The following RAB3C variants were observed in gnomAD, a reference collection of about 807,000 sequenced individuals.
The protein encoded by RAB3C is ras-related protein Rab-3C.
In RAB3C, 17 loss-of-function variants were observed where a neutral mutation model predicts 26.4. The ratio of observed to expected loss-of-function variants is 0.64; its 90% confidence interval spans 0.44 to 0.97. RAB3C has a LOEUF of 0.97. Among genes scored for constraint, RAB3C ranks in the 50% least tolerant of loss-of-function variants. RAB3C has a pLI of 0.00. For missense variants in RAB3C, 242 were observed against 281.9 expected (o/e 0.86, Z 1.01); for synonymous variants, 91 against 95.9 (o/e 0.95, Z 0.30).
At chr5:58,806,023 A>T (rs1742932899) in intron 3 of RAB3C, among the ~76,000 whole-genome samples, 2 of 152,198 alleles carry the variant, frequency 1.3e-5, no homozygotes, top group Admixed American at 1.3e-4. Flanking sequence ...TGTAGCCAAG[A>T]GAAATTTTGT....
intron 3 of RAB3C, among the ~76,000 whole-genome samples, chr5:58,744,329 G>A (rs1322473833): frequency 2.0e-5 from 3 of 152,234 alleles, no homozygotes; most frequent in Non-Finnish European, 4.4e-5. Context: ...CCTCTGCAAA[G>A]GTTCCTGGGA....
At chr5:58,843,515 T>C (rs1743920170) in intron 4 of RAB3C, among the ~76,000 whole-genome samples, 1 of 152,212 alleles carries the variant, frequency 6.6e-6, no homozygotes, top group African/African-American at 2.4e-5. Context: ...TTAGCACTCT[T>C]TGCATATAAG....
Position 58,745,414 on chromosome 5 carries a change from AAAAAAG to A in RAB3C, c.371+19298_371+19303del, listed in dbSNP as rs1362547689. Among the ~76,000 whole-genome samples the A allele has an allele frequency of 3.8e-4, 56 of 148,554 alleles. 1 individual carries two copies. The highest frequency in any genetic ancestry group is 1.4e-3 in the African/African-American group (54 of 38,772). ...CTTCAAAAAAAAAAAAAAAAAAAAA[AAAAAAG>A]AAAGTAGATGGGGTATAATAAGCCC... On this transcript the variant is annotated intron_variant, in intron 3 of 4. Coordinates refer to ENST00000282878, the MANE Select transcript of RAB3C (RefSeq NM_138453.4).
chr5:58,596,132 G>A (rs997256272), intron 1 of RAB3C, among the ~76,000 whole-genome samples: 1 of 151,974 alleles, frequency 6.6e-6, no homozygotes, highest in African/African-American at 2.4e-5. Context: ...TTTTAGCACT[G>A]AAAGTTCTGC....
chr5:58,839,532 G>T (rs1914021), intron 4 of RAB3C, among the ~76,000 whole-genome samples: 79,147 of 151,602 alleles, frequency 0.52, 21,175 homozygotes, highest in Middle Eastern at 0.68. Flanking sequence ...CACCATGCCC[G>T]GCTAATTTTG....
chr5:58,597,583 T>C (rs1746344511), intron 1 of RAB3C, among the ~76,000 whole-genome samples: 1 of 127,760 alleles, frequency 7.8e-6, no homozygotes, highest in East Asian at 2.3e-4. Flanking sequence ...TATAACAATA[T>C]ATAGTTCATT....
At chr5:58,727,339 G>T (rs1488971908) in intron 3 of RAB3C, among the ~76,000 whole-genome samples, 1 of 151,766 alleles carries the variant, frequency 6.6e-6, no homozygotes, top group Non-Finnish European at 1.5e-5. Flanking sequence ...ATTCAAAAGA[G>T]AAATACAGGG....
chr5:58,585,450 A>AT (rs767254683), intron 1 of RAB3C, among the ~76,000 whole-genome samples: 1 of 151,808 alleles, frequency 6.6e-6, no homozygotes, highest in Non-Finnish European at 1.5e-5. Context: ...TGCCCCAAAT[A>AT]TTTTTTTACT....
chr5:58,822,675 A>C, intron 3 of RAB3C: 3 of 418,702 alleles, frequency 7.2e-6, no homozygotes, highest in South Asian at 6.5e-5. Context: ...TAACAAACAG[A>C]GATATGATTT....
At chr5:58,721,049 G>T (rs1740740699) in intron 2 of RAB3C, among the ~76,000 whole-genome samples, 1 of 151,654 alleles carries the variant, frequency 6.6e-6, no homozygotes, top group South Asian at 2.1e-4. Flanking sequence ...ACATTCTAAG[G>T]CAGAAACAGA....
rs1744330820 is a variant in RAB3C, at chr5:58,859,273, G to GT, written c.*7923dup. 1.3e-5 allele frequency: 2 copies of GT among 152,154 alleles called. No homozygotes were observed. The highest frequency in any genetic ancestry group is 1.3e-4 in the Admixed American group (2 of 15,266). 9.4% of individuals were successfully genotyped at this position (152,154 alleles called of 1,614,324 possible). On this transcript the variant is annotated 3_prime_UTR_variant, in exon 5 of 5. Coordinates refer to ENST00000282878, the MANE Select transcript of RAB3C (RefSeq NM_138453.4). ...TATTGAAATTAATTGTGTAAAAATG[G>GT]TATGTGCTCTATTAGGTATTCAGTT...
Position 58,610,357 on chromosome 5 carries a change from C to T in RAB3C, c.25-7286C>T, listed in dbSNP as rs556361000. 5.3e-5 allele frequency among the ~76,000 whole-genome samples: 8 copies of T among 152,116 alleles called. No homozygotes were observed. In the South Asian group the frequency reaches 1.7e-3, roughly 32 times the overall value. On this transcript the variant is annotated intron_variant, in intron 1 of 4. Transcript: ENST00000282878. ...GCTGTGCCATTTTAAACAGTCTCAG[C>T]AGCAATTTATGAGCATTCCAGTTGC...
intron 4 of RAB3C, among the ~76,000 whole-genome samples, chr5:58,850,101 G>A (rs867350615): frequency 2.0e-5 from 3 of 152,184 alleles, no homozygotes; most frequent in African/African-American, 7.2e-5. Flanking sequence ...CTGGCCTAGT[G>A]GGGAGGTTGT....
chr5:58,608,720 T>G (rs1012239905), intron 1 of RAB3C, among the ~76,000 whole-genome samples: 10 of 152,194 alleles, frequency 6.6e-5, no homozygotes, highest in African/African-American at 2.4e-4. Flanking sequence ...ATCATGCTAC[T>G]ATAAAGACAC....
intron 3 of RAB3C, among the ~76,000 whole-genome samples, chr5:58,787,596 C>T (rs1742420703): frequency 6.6e-6 from 1 of 152,154 alleles, no homozygotes; most frequent in Non-Finnish European, 1.5e-5. Context: ...TTGGAGAAGG[C>T]TATTTCCCCT....
At chr5:58,619,144 A>G (rs1312410023) in intron 2 of RAB3C, among the ~76,000 whole-genome samples, 1 of 151,812 alleles carries the variant, frequency 6.6e-6, no homozygotes, top group East Asian at 2.0e-4. Context: ...GTAGCTTACA[A>G]TAGGCTGTTA....
chr5:58,622,305 T>G (rs144309267), intron 2 of RAB3C, among the ~76,000 whole-genome samples: 60 of 152,236 alleles, frequency 3.9e-4, no homozygotes, highest in African/African-American at 1.4e-3. Flanking sequence ...TTGGTTGGTT[T>G]GCCTTTGAAA....
chr5:58,660,191 T>A (rs554620946), intron 2 of RAB3C, among the ~76,000 whole-genome samples: 1 of 150,160 alleles, frequency 6.7e-6, no homozygotes, highest in South Asian at 2.1e-4. Flanking sequence ...AATACCCCCT[T>A]CCTATCTATG....
At chr5:58,680,001 C>T (rs1427087606) in intron 2 of RAB3C, among the ~76,000 whole-genome samples, 1 of 152,136 alleles carries the variant, frequency 6.6e-6, no homozygotes. Flanking sequence ...TCTAAAATTT[C>T]TCCATCTGTA....
Sources: gnomAD v4.1 joint callset for allele counts (sites outside exome capture counted in the v4.1 genomes callset) on GRCh38, gnomAD v4.1.1 for gene constraint, MANE v1.5 for transcripts, NCBI Gene and HGNC (gene_info 2026-07-23, HGNC 2026-07-21) for gene names.